The following SULT6B1 variants were observed in gnomAD, a reference collection of about 807,000 sequenced individuals.
SULT6B1 encodes sulfotransferase 6B1.
A neutral mutation model predicts 37.2 loss-of-function variants in SULT6B1; 44 were observed. The ratio of observed to expected loss-of-function variants is 1.18; its 90% CI spans 0.93 to 1.52. The LOEUF (loss-of-function observed/expected upper bound fraction) is 1.52. Ranked by LOEUF, SULT6B1 falls within the 40% of genes most tolerant of loss-of-function variation. The pLI, the probability that SULT6B1 is intolerant of heterozygous loss-of-function variation, is 0.00. For missense variants in SULT6B1, 450 were observed against 361.0 expected (o/e 1.25, Z -2.00); for synonymous variants, 140 against 126.0 (o/e 1.11, Z -0.74).
At chr2:37,169,543 G>A (rs543505160) in intron 6 of SULT6B1, among the ~76,000 whole-genome samples, 1 of 152,244 alleles carries the variant, frequency 6.6e-6, no homozygotes, top group Admixed American at 6.5e-5. Context: ...AGGCTGGAGT[G>A]CAGTGGTGCA....
intron 4 of SULT6B1, among the ~76,000 whole-genome samples, chr2:37,175,563 T>C (rs1159746053): frequency 3.3e-5 from 5 of 152,108 alleles, no homozygotes; most frequent in Non-Finnish European, 7.4e-5. Context: ...ACAGAGACAA[T>C]GCCAGAAAGA....
Position 37,175,142 on chromosome 2 carries a change from T to C in SULT6B1, c.614A>G (p.Asp205Gly), listed in dbSNP as rs368994056. Reference sequence around the variant, plus strand: ...CAATAATAATCTCACCTCTTTCAGGTCTTCATATAATATGAACTTAACATT... The same window carrying C: ...CAATAATAATCTCACCTCTTTCAGGCCTTCATATAATATGAACTTAACATT... ...GDNVKFILYE[D>G]LKENLAAGIK... Residue 205 changes from aspartate (D) to glycine (G), a missense_variant, in exon 5 of 7, where the codon GAC (aspartate) becomes GGC (glycine). Coordinates refer to ENST00000535679, the MANE Select transcript of SULT6B1 (RefSeq NM_001367551.1). The C allele has an allele frequency of 6.5e-6, 10 of 1,544,108 alleles. No individual in the cohort carries two copies. The highest frequency in any genetic ancestry group is 7.9e-6 in the Non-Finnish European group (9 of 1,142,214).
chr2:37,187,225 T>A (rs1224356479), intron 2 of SULT6B1, 130 bp downstream of exon 2: 1 of 615,196 alleles, frequency 1.6e-6, no homozygotes, highest in Non-Finnish European at 2.9e-6. Context: ...GCTGAGGATA[T>A]GGTAAGCACA....
intron 3 of SULT6B1, among the ~76,000 whole-genome samples, chr2:37,182,743 G>T (rs62134999): frequency 0.17 from 25,844 of 152,036 alleles, 2,374 homozygotes; most frequent in South Asian, 0.26. Context: ...AAACAGAAAG[G>T]GTTGGGTAAA....
Position 37,171,526 on chromosome 2 carries a change from A to G in SULT6B1, c.689T>C (p.Ile230Thr). 1 of 1,614,092 alleles carries G rather than the reference A, an allele frequency of 6.2e-7. No individual in the cohort carries two copies. Among genetic ancestry groups the G allele is most frequent in the Non-Finnish European group, 8.5e-7 (1 of 1,180,006 alleles). ...GGTGCTCTGGACTGAGATAGTTTGA[A>G]TTTGCTCCCCAGTTAGAAAGAATCC... is the stretch of plus-strand genomic sequence containing the variant. ...FLGFFLTGEQ[I>T]QTISVQSTFQ... Residue 230 changes from isoleucine to threonine, a missense_variant, in exon 6 of 7, where the codon ATT becomes ACT. Coordinates refer to ENST00000535679, the MANE Select transcript of SULT6B1 (RefSeq NM_001367551.1).
chr2:37,172,440 T>C (rs1471134731), intron 5 of SULT6B1, among the ~76,000 whole-genome samples: 1 of 152,240 alleles, frequency 6.6e-6, no homozygotes, highest in African/African-American at 2.4e-5. Flanking sequence ...AACATTATTC[T>C]AAACTAGAAT....
intron 3 of SULT6B1, among the ~76,000 whole-genome samples, chr2:37,180,019 T>C (rs1676516350): frequency 6.6e-6 from 1 of 152,240 alleles, no homozygotes. Flanking sequence ...ATGATGTTTA[T>C]GGGTGAGTAC....
intron 6 of SULT6B1, among the ~76,000 whole-genome samples, chr2:37,169,287 A>G (rs555930305): frequency 6.6e-6 from 1 of 152,304 alleles, no homozygotes; most frequent in South Asian, 2.1e-4. Flanking sequence ...GTTTACATTC[A>G]ATGTTCCGCT....
At position 37,188,480 on chromosome 2, in the gene SULT6B1, C is replaced by G; in HGVS notation, c.161G>C (p.Arg54Thr). Residue 54 changes from arginine (R) to threonine (T), a missense_variant, in exon 1 of 7, where the codon AGA becomes ACA. Physicochemically the swap from Arg to Thr is moderately conservative, Grantham distance 71 (BLOSUM62 -1). Coordinates refer to ENST00000535679, the MANE Select transcript of SULT6B1 (RefSeq NM_001367551.1). ...AGATGCTAGCACGATGTCATCATGT[C>G]TGGCTTCGAAGGTGTCCAGCGCTTG... ...TFQALDTFEA[R>T]HDDIVLASYP... The G allele has an allele frequency of 7.4e-6, 12 of 1,614,142 alleles. No homozygotes were observed. The highest frequency in any genetic ancestry group is 8.5e-6 in the Non-Finnish European group (10 of 1,179,994).
At chr2:37,171,172 G>A (rs750458337) in intron 6 of SULT6B1, among the ~76,000 whole-genome samples, 15 of 151,680 alleles carry the variant, frequency 9.9e-5, no homozygotes, top group South Asian at 4.2e-4. Context: ...CCCAGGAGGC[G>A]GAGGTTGCAG....
chr2:37,188,789 A>T, upstream of SULT6B1: 1 of 478,920 alleles, frequency 2.1e-6, no homozygotes, highest in Non-Finnish European at 3.8e-6. Flanking sequence ...CCTCACTATT[A>T]CATATCCTCC....
intron 1 of SULT6B1, chr2:37,194,684 G>A (rs141231374): frequency 2.2e-5 from 5 of 229,768 alleles, no homozygotes; most frequent in Admixed American, 1.0e-4. Context: ...TCATCACCTC[G>A]TTGATGGCAG....
intron 1 of SULT6B1, 126 bp downstream of exon 1, chr2:37,188,313 CCCT>C: frequency 1.4e-6 from 1 of 708,564 alleles, no homozygotes. Flanking sequence ...ACCACTGTGG[CCCT>C]CCTCCTCACT....
At chr2:37,172,823 C>CTTGTTTGT (rs138341858) in intron 5 of SULT6B1, among the ~76,000 whole-genome samples, 3,238 of 149,312 alleles carry the variant, frequency 0.022, 109 homozygotes, top group African/African-American at 0.074. Flanking sequence ...CATACATTTG[C>CTTGTTTGT]TTGTTTGTTT....
chr2:37,175,783 A>G (rs1250971774), intron 4 of SULT6B1, among the ~76,000 whole-genome samples: 1 of 152,214 alleles, frequency 6.6e-6, no homozygotes, highest in African/African-American at 2.4e-5. Flanking sequence ...TAAATCTTCA[A>G]AAGCCATGGA....
intron 3 of SULT6B1, among the ~76,000 whole-genome samples, chr2:37,182,850 A>T (rs1024653390): frequency 1.3e-5 from 2 of 152,234 alleles, no homozygotes; most frequent in Non-Finnish European, 2.9e-5. Context: ...TTCTGTATGC[A>T]TGCTGTGAAG....
intron 4 of SULT6B1, among the ~76,000 whole-genome samples, chr2:37,176,321 G>C (rs1325665991): frequency 7.5e-6 from 1 of 133,216 alleles, no homozygotes. Flanking sequence ...GGAGTGCAGT[G>C]GTGCAATCTC....
At chr2:37,176,765 C>A (rs1431184588) in intron 4 of SULT6B1, among the ~76,000 whole-genome samples, 1 of 152,068 alleles carries the variant, frequency 6.6e-6, no homozygotes, top group East Asian at 1.9e-4. Context: ...CATGACAATT[C>A]TGTTTCTTGA....
intron 2 of SULT6B1, among the ~76,000 whole-genome samples, 159 bp from the exon 3 acceptor site, chr2:37,183,673 T>A (rs928332403): frequency 4.6e-5 from 7 of 152,192 alleles, no homozygotes; most frequent in African/African-American, 9.7e-5. Context: ...AAACAGAGTC[T>A]CACTCTGTCG....
Sources: gnomAD v4.1 joint callset for allele counts (sites outside exome capture counted in the v4.1 genomes callset) on GRCh38, gnomAD v4.1.1 for gene constraint, MANE v1.5 for transcripts, NCBI Gene and HGNC (gene_info 2026-07-23, HGNC 2026-07-21) for gene names.